Variants in ZSWIM6 observed in about 807,000 individuals in gnomAD.
The protein encoded by ZSWIM6 is zinc finger SWIM domain-containing protein 6.
A neutral mutation model predicts 113.2 loss-of-function variants in ZSWIM6; 9 were observed. The observed-to-expected ratio is 0.08, with a 90% confidence interval of 0.05 to 0.14. The LOEUF is 0.14. Among genes scored for constraint, ZSWIM6 ranks in the 10% least tolerant of loss-of-function variants. ZSWIM6 has a pLI of 1.00. For missense variants in ZSWIM6, 1,162 were observed against 1,552.2 expected, an observed-to-expected ratio of 0.75 and a Z score of 4.22; for synonymous variants, 611 against 606.5, an observed-to-expected ratio of 1.01 and a Z score of -0.11.
chr5:61,538,829 A>G lies in ZSWIM6; in HGVS notation c.2397A>G (p.Glu799=). ...ALRAMRLLVL[E]STAPSGDLTR... ...CTCATTATAGGTTACTAGTATTGGA[A>G]TCTACTGCTCCATCAGGAGACCTCA... Residue 799 remains glutamate (E), a synonymous_variant, in exon 11 of 14, where the codon GAA becomes GAG. Transcript: ENST00000252744. 6.4e-7 allele frequency: 1 copy of G among 1,551,696 alleles called. No individual in the cohort carries two copies. Among genetic ancestry groups the G allele is most frequent in the Non-Finnish European group, 8.7e-7 (1 of 1,146,838 alleles).
intron 1 of ZSWIM6, among the ~76,000 whole-genome samples, chr5:61,367,017 G>A (rs1745170566): frequency 6.6e-6 from 1 of 151,788 alleles, no homozygotes; most frequent in Admixed American, 6.6e-5. Context: ...GATAGCATGA[G>A]GAAGTAAAAC....
intron 9 of ZSWIM6, among the ~76,000 whole-genome samples, chr5:61,533,084 C>T (rs180975855): frequency 9.2e-5 from 14 of 152,184 alleles, no homozygotes; most frequent in African/African-American, 3.1e-4. Flanking sequence ...TGAACTTTGC[C>T]CTAGTCTTGA....
At chr5:61,435,627 T>A (rs947124525) in intron 1 of ZSWIM6, among the ~76,000 whole-genome samples, 2 of 152,242 alleles carry the variant, frequency 1.3e-5, no homozygotes, top group Admixed American at 1.3e-4. Context: ...CATAAACAGA[T>A]GTGGTTTTGC....
chr5:61,503,325 G>A (rs1325540705), intron 4 of ZSWIM6, among the ~76,000 whole-genome samples: 1 of 152,178 alleles, frequency 6.6e-6, no homozygotes, highest in Non-Finnish European at 1.5e-5. Flanking sequence ...AACTCACTCA[G>A]TTCTCTGTGC....
At chr5:61,411,944 A>G (rs1248555003) in intron 1 of ZSWIM6, among the ~76,000 whole-genome samples, 1 of 152,212 alleles carries the variant, frequency 6.6e-6, no homozygotes, top group Admixed American at 6.5e-5. Flanking sequence ...ATATATTGAG[A>G]TTTTAGGAAA....
chr5:61,528,908 G>A (rs1348989977), intron 7 of ZSWIM6, among the ~76,000 whole-genome samples: 2 of 152,158 alleles, frequency 1.3e-5, no homozygotes, highest in Non-Finnish European at 2.9e-5. Context: ...TTTATGTACT[G>A]ATAGTTGATT....
intron 1 of ZSWIM6, among the ~76,000 whole-genome samples, chr5:61,336,306 G>T (rs1054719386): frequency 1.3e-5 from 2 of 152,110 alleles, no homozygotes; most frequent in African/African-American, 4.8e-5. Flanking sequence ...GAAGGGAGCT[G>T]CCTCTATAGG....
chr5:61,512,940 A>T (rs980893796), intron 4 of ZSWIM6, among the ~76,000 whole-genome samples: 3 of 151,866 alleles, frequency 2.0e-5, no homozygotes, highest in Admixed American at 6.6e-5. Context: ...CACCAGAGTC[A>T]TACAACTGAT....
intron 1 of ZSWIM6, among the ~76,000 whole-genome samples, chr5:61,398,831 A>G (rs1745888929): frequency 6.7e-6 from 1 of 148,174 alleles, no homozygotes; most frequent in Non-Finnish European, 1.5e-5. Flanking sequence ...GATGCTTTTT[A>G]GTGAGAGAAG....
In ZSWIM6 at chr5:61,463,200, AC is replaced by A. The variant is rs143992971; in HGVS notation, c.677-9480del. Reference sequence around the variant, plus strand: ...GATGATCTAGCTTTAAGTATTAATAACTATGATAGTAACAGCTTTTGTTATT... The same window carrying A: ...GATGATCTAGCTTTAAGTATTAATAATATGATAGTAACAGCTTTTGTTATT... On this transcript the variant is annotated intron_variant, in intron 1 of 13. Coordinates refer to ENST00000252744, the MANE Select transcript of ZSWIM6 (RefSeq NM_020928.2). Among the ~76,000 whole-genome samples the A allele has an allele frequency of 7.2e-5, 11 of 152,324 alleles. No individual in the cohort carries two copies. In the East Asian group the frequency reaches 2.1e-3, roughly 29 times the overall value.
chr5:61,380,201 G>A (rs1166629816), intron 1 of ZSWIM6, among the ~76,000 whole-genome samples: 1 of 152,062 alleles, frequency 6.6e-6, no homozygotes, highest in Non-Finnish European at 1.5e-5. Context: ...TCAGCATCCC[G>A]AGTAGCTGGG....
intron 11 of ZSWIM6, among the ~76,000 whole-genome samples, 200 bp downstream of exon 11, chr5:61,539,171 A>G (rs889945082): frequency 2.6e-5 from 4 of 152,236 alleles, no homozygotes; most frequent in African/African-American, 4.8e-5. Flanking sequence ...TGCTGCCAGC[A>G]GAGTTCAGGT....
At chr5:61,418,535 A>G (rs573230575) in intron 1 of ZSWIM6, among the ~76,000 whole-genome samples, 4 of 152,232 alleles carry the variant, frequency 2.6e-5, no homozygotes, top group Admixed American at 2.6e-4. Flanking sequence ...CCGGGATTAC[A>G]GGTGTGAGCC....
At chr5:61,494,133 C>A in intron 3 of ZSWIM6, 127 bp from the exon 4 acceptor site, 2 of 1,027,786 alleles carry the variant, frequency 1.9e-6, no homozygotes, top group Non-Finnish European at 2.8e-6. Context: ...CACACACACA[C>A]ACACACACAC....
intron 1 of ZSWIM6, among the ~76,000 whole-genome samples, chr5:61,454,982 T>C (rs1306827871): frequency 3.3e-5 from 5 of 151,930 alleles, no homozygotes; most frequent in African/African-American, 1.2e-4. Context: ...CAGGCATTCC[T>C]TTAAGGAGCT....
At position 61,332,591 on chromosome 5, in the gene ZSWIM6, C is replaced by T; in HGVS notation, c.319C>T (p.Arg107Cys). 3.0e-6 allele frequency: 4 copies of T among 1,341,658 alleles called. No individual in the cohort carries two copies. The highest frequency in any genetic ancestry group is 3.9e-6 in the Non-Finnish European group (4 of 1,017,506). The allele number at this position is 1,341,658 out of a possible 1,614,324, so 83.1% of individuals were successfully genotyped here. A position where few individuals can be genotyped will look rare whatever the true frequency, so the allele number is the denominator to read the frequency against. Residue 107 changes from arginine to cysteine, a missense_variant, in exon 1 of 14, where the codon CGC becomes TGC. Arg to Cys is a radical substitution (Grantham distance 180, BLOSUM62 -3). Around this residue, in one of 4 missense-constraint regions of ZSWIM6, gnomAD observed 333 missense variants for 293.4 expected, o/e 1.13. Transcript: ENST00000252744. The part of the protein sequence containing the change: ...RFERIPEPVQ[R>C]RIVYWSFPRS... ...TGAGCGCATCCCGGAGCCGGTGCAG[C>T]GCCGCATAGTCTATTGGTCCTTCCC...
At chr5:61,360,804 AT>A (rs973259135) in intron 1 of ZSWIM6, among the ~76,000 whole-genome samples, 2 of 152,074 alleles carry the variant, frequency 1.3e-5, no homozygotes, top group African/African-American at 4.8e-5. Flanking sequence ...CTGGCTTTTG[AT>A]AACAGTAGCC....
chr5:61,486,071 G>C (rs561158158), intron 2 of ZSWIM6, among the ~76,000 whole-genome samples: 11 of 152,102 alleles, frequency 7.2e-5, no homozygotes, highest in African/African-American at 2.7e-4. Flanking sequence ...CCATCACCTG[G>C]ATAATGTACA....
chr5:61,375,381 A>G, intron 1 of ZSWIM6: 2 of 1,576,974 alleles, frequency 1.3e-6, no homozygotes, highest in Non-Finnish European at 1.7e-6. Context: ...CATCCAAAAA[A>G]AGACAGAGAA....
Sources: allele counts gnomAD v4.1 joint callset (sites outside exome capture counted in the v4.1 genomes callset), GRCh38; gene constraint gnomAD v4.1.1; regional missense constraint gnomAD v4.1.1; transcripts MANE v1.5; gene names NCBI Gene and HGNC (gene_info 2026-07-23, HGNC 2026-07-21).